The following CDH12 variants were observed in gnomAD, a reference collection of about 807,000 sequenced individuals.
The protein encoded by CDH12 is cadherin 12, also known as cadherin-12.
Under a neutral mutation model 74.1 loss-of-function variants are expected in CDH12, and 41 were observed. The ratio of observed to expected loss-of-function variants is 0.55; its 90% CI spans 0.43 to 0.72. The LOEUF is 0.72. CDH12 is among the 30% of genes least tolerant of loss of function. The pLI, the probability that CDH12 is intolerant of heterozygous loss-of-function variation, is 0.00. For synonymous variants in CDH12, 399 were observed against 355.0 expected (o/e 1.12, Z -1.39); for missense variants, 945 against 977.2 (o/e 0.97, Z 0.44).
intron 6 of CDH12, among the ~76,000 whole-genome samples, chr5:21,949,597 T>C (rs1755741839): frequency 6.6e-6 from 1 of 152,052 alleles, no homozygotes; most frequent in Non-Finnish European, 1.5e-5. Flanking sequence ...TGGGACAAGA[T>C]CTGGAGGTAG....
intron 1 of CDH12, among the ~76,000 whole-genome samples, chr5:22,768,972 C>G (rs1382690477): frequency 6.6e-6 from 1 of 152,124 alleles, no homozygotes; most frequent in Non-Finnish European, 1.5e-5. Context: ...ATTATATCCT[C>G]TCTTCGCTTA....
intron 1 of CDH12, among the ~76,000 whole-genome samples, chr5:22,520,976 CTTCT>C (rs200629459): frequency 5.4e-5 from 8 of 147,682 alleles, no homozygotes; most frequent in East Asian, 4.3e-4. Flanking sequence ...GCTTGCTCCC[CTTCT>C]TTCTTTCTTT....
At position 22,406,416 on chromosome 5, in the gene CDH12, A is replaced by G. The variant is rs570183131; in HGVS notation, c.-427-1065T>C. Among the ~76,000 whole-genome samples, 4 of 152,248 alleles carry G rather than the reference A, an allele frequency of 2.6e-5. No homozygotes were observed. In the South Asian group the frequency reaches 8.3e-4, roughly 32 times the overall value. On this transcript the variant is annotated intron_variant, in intron 2 of 14. Transcript: ENST00000382254. ...CCTGCATGATATTAAAGGTAAACCA[A>G]TTAATTGTATTCCTCAGCTACAGTT...
At chr5:22,547,500 A>G (rs1738385668) in intron 1 of CDH12, among the ~76,000 whole-genome samples, 1 of 152,188 alleles carries the variant, frequency 6.6e-6, no homozygotes, top group Non-Finnish European at 1.5e-5. Flanking sequence ...AAACTATACC[A>G]TTTTCCTGAT....
At chr5:22,483,512 C>T (rs887260562) in intron 2 of CDH12, among the ~76,000 whole-genome samples, 3 of 150,926 alleles carry the variant, frequency 2.0e-5, no homozygotes, top group Middle Eastern at 3.4e-3. Context: ...TAGATAGTTG[C>T]TGGGCTTGTT....
chr5:22,798,310 C>T (rs1178409178), intron 1 of CDH12, among the ~76,000 whole-genome samples: 1 of 152,030 alleles, frequency 6.6e-6, no homozygotes, highest in Non-Finnish European at 1.5e-5. Flanking sequence ...ATATAGGCTA[C>T]TTAACAAAAA....
At chr5:21,810,547 C>T (rs1453463265) in intron 9 of CDH12, among the ~76,000 whole-genome samples, 1 of 152,058 alleles carries the variant, frequency 6.6e-6, no homozygotes, top group Non-Finnish European at 1.5e-5. Context: ...AGAAAGAACT[C>T]AGCTTTAGAC....
chr5:21,919,579 A>C (rs1191778692), intron 6 of CDH12, among the ~76,000 whole-genome samples: 2 of 152,078 alleles, frequency 1.3e-5, no homozygotes, highest in Non-Finnish European at 2.9e-5. Flanking sequence ...TCATTTTCGC[A>C]GGCCAACCCC....
At chr5:21,889,492 CT>C in intron 6 of CDH12, 1 of 745,458 alleles carries the variant, frequency 1.3e-6, no homozygotes, top group South Asian at 6.0e-5. Context: ...TGGGGCTTAT[CT>C]TTTGAAAGAA....
At chr5:22,321,939 T>G (rs993045698) in intron 3 of CDH12, among the ~76,000 whole-genome samples, 8 of 152,174 alleles carry the variant, frequency 5.3e-5, no homozygotes, top group Non-Finnish European at 1.2e-4. Context: ...GTCTCTAATC[T>G]TGATAGAACA....
intron 1 of CDH12, among the ~76,000 whole-genome samples, chr5:22,809,339 A>T (rs934592491): frequency 3.3e-5 from 5 of 151,940 alleles, no homozygotes; most frequent in African/African-American, 1.2e-4. Context: ...ATATAGAATA[A>T]TTTTATGCTT....
Position 22,505,280 on chromosome 5 carries a change from G to A in CDH12, c.-438C>T. 2.0e-6 allele frequency: 2 copies of A among 979,506 alleles called. No individual in the cohort carries two copies. The highest frequency in any genetic ancestry group is 2.4e-6 in the Non-Finnish European group (2 of 824,778). 60.7% of individuals were successfully genotyped at this position (979,506 alleles called of 1,614,324 possible). A position where few individuals can be genotyped will look rare whatever the true frequency, so the allele number is the denominator to read the frequency against. ...ATTTTTTTTACCTACCTTTAAAAAGGCTGGCATTCTTTAAAACTCCCAACT... is the reference window on the plus strand; with the variant it reads ...ATTTTTTTTACCTACCTTTAAAAAGACTGGCATTCTTTAAAACTCCCAACT... On this transcript the variant is annotated 5_prime_UTR_variant, in exon 2 of 15. Transcript: ENST00000382254.
At chr5:22,778,639 T>C (rs1008841201) in intron 1 of CDH12, among the ~76,000 whole-genome samples, 1 of 152,168 alleles carries the variant, frequency 6.6e-6, no homozygotes, top group Non-Finnish European at 1.5e-5. Context: ...AAATTTCTCT[T>C]ATTTCTATTT....
At chr5:22,782,241 G>C (rs1482585909) in intron 1 of CDH12, among the ~76,000 whole-genome samples, 2 of 152,058 alleles carry the variant, frequency 1.3e-5, no homozygotes, top group Non-Finnish European at 2.9e-5. Flanking sequence ...GGAGGGAACA[G>C]GTGAAGAATA....
chr5:21,801,856 T>C (rs1453644752), intron 10 of CDH12, among the ~76,000 whole-genome samples: 3 of 152,222 alleles, frequency 2.0e-5, no homozygotes, highest in Non-Finnish European at 4.4e-5. Flanking sequence ...AGAATCATTC[T>C]CTAAAAGGTT....
At chr5:22,388,045 C>A (rs1742075521) in intron 3 of CDH12, among the ~76,000 whole-genome samples, 3 of 151,932 alleles carry the variant, frequency 2.0e-5, no homozygotes, top group South Asian at 2.1e-4. Context: ...GTATATGATG[C>A]CTAAGAAGAC....
chr5:22,689,340 G>T (rs903617106), intron 1 of CDH12, among the ~76,000 whole-genome samples: 2 of 152,070 alleles, frequency 1.3e-5, no homozygotes, highest in Admixed American at 6.6e-5. Flanking sequence ...CAGTAGAAAC[G>T]TGTATGCCAC....
intron 8 of CDH12, among the ~76,000 whole-genome samples, chr5:21,839,581 T>C (rs189703915): frequency 3.0e-4 from 45 of 152,200 alleles, no homozygotes; most frequent in Admixed American, 1.2e-3. Context: ...CAGTAAAATA[T>C]AGGTTTATGA....
At chr5:22,784,406 C>G (rs1747527149) in intron 1 of CDH12, among the ~76,000 whole-genome samples, 1 of 152,020 alleles carries the variant, frequency 6.6e-6, no homozygotes, top group Non-Finnish European at 1.5e-5. Flanking sequence ...ACTCTTTCAC[C>G]TTCCCCTTAA....
Sources: gnomAD v4.1 joint callset for allele counts (sites outside exome capture counted in the v4.1 genomes callset) on GRCh38, gnomAD v4.1.1 for gene constraint, MANE v1.5 for transcripts, NCBI Gene and HGNC (gene_info 2026-07-23, HGNC 2026-07-21) for gene names.